The following FGD3 variants were observed in gnomAD, a reference collection of about 807,000 sequenced individuals.
FGD3 encodes FYVE, RhoGEF and PH domain-containing protein 3.
In FGD3, 45 loss-of-function variants were observed where a neutral mutation model predicts 71.8. The observed-to-expected ratio is 0.63, with a 90% confidence interval of 0.49 to 0.80. FGD3 has a LOEUF of 0.80. Among genes scored for constraint, FGD3 ranks in the 30% least tolerant of loss-of-function variants. FGD3 has a pLI of 0.00. For missense variants in FGD3, 844 were observed against 951.5 expected (o/e 0.89, Z 1.49); for synonymous variants, 378 against 392.8 (o/e 0.96, Z 0.44).
intron 1 of FGD3, among the ~76,000 whole-genome samples, chr9:92,973,106 ATTTTTTTTT>A (rs59046376): frequency 3.4e-5 from 3 of 87,124 alleles, no homozygotes; most frequent in Non-Finnish European, 4.1e-5. Flanking sequence ...ATGCCTGGTA[ATTTTTTTTT>A]TTTTTTTTTT....
chr9:92,954,933 G>A (rs369043532), intron 1 of FGD3, among the ~76,000 whole-genome samples: 8 of 152,284 alleles, frequency 5.3e-5, no homozygotes, highest in South Asian at 2.1e-4. Flanking sequence ...TTGGAGCATC[G>A]TTGCCTGCAT....
At position 93,001,149 on chromosome 9, in the gene FGD3, A is replaced by G. The variant is rs191915490; in HGVS notation, c.454-1776A>G. 6.6e-4 allele frequency among the ~76,000 whole-genome samples: 100 copies of G among 151,840 alleles called. 1 individual carries two copies. Among genetic ancestry groups the G allele is most frequent in the African/African-American group, 2.3e-3 (95 of 41,388 alleles). On this transcript the variant is annotated intron_variant, in intron 3 of 17. Transcript: ENST00000375482. ...TGGTTTGTCCTTTTTAATAGTTTCT[A>G]TCTCTTTGTTGATATTCTCACTTTG...
intron 1 of FGD3, among the ~76,000 whole-genome samples, chr9:92,949,079 T>C (rs1286280482): frequency 6.6e-6 from 1 of 152,144 alleles, no homozygotes; most frequent in Non-Finnish European, 1.5e-5. Flanking sequence ...TGCAGGCTTC[T>C]TCAAGCCCAT....
chr9:93,001,142 A>T (rs561633241), intron 3 of FGD3, among the ~76,000 whole-genome samples: 24 of 152,106 alleles, frequency 1.6e-4, no homozygotes, highest in Admixed American at 6.5e-4. Flanking sequence ...CCTTTTTAAT[A>T]GTTTCTATCT....
chr9:92,953,926 A>G (rs1173281566), intron 1 of FGD3, among the ~76,000 whole-genome samples: 1 of 152,238 alleles, frequency 6.6e-6, no homozygotes, highest in African/African-American at 2.4e-5. Context: ...GTAAACAGAC[A>G]TGGAGACAGC....
chr9:93,015,312 T>C (rs4743880), intron 9 of FGD3, among the ~76,000 whole-genome samples: 94,060 of 151,748 alleles, frequency 0.62, 30,291 homozygotes, highest in African/African-American at 0.8. Flanking sequence ...AAAAATTAGC[T>C]GGGCGTGGTA....
chr9:92,956,119 TTTTGTTTG>T (rs369196118), intron 1 of FGD3, among the ~76,000 whole-genome samples: 69 of 152,230 alleles, frequency 4.5e-4, no homozygotes, highest in African/African-American at 1.5e-3. Context: ...GTTCTGGGAG[TTTTGTTTG>T]TTTGTTTGTT....
intron 3 of FGD3, among the ~76,000 whole-genome samples, chr9:92,992,554 G>A (rs768706073): frequency 6.6e-6 from 1 of 152,170 alleles, no homozygotes; most frequent in Admixed American, 6.5e-5. Flanking sequence ...AAGTGTGGCA[G>A]TGAGGGTTGG....
Position 92,976,475 on chromosome 9 carries a change from C to T in FGD3, c.219C>T (p.Asn73=). Residue 73 remains asparagine, a synonymous_variant, in exon 3 of 18, where the codon AAC becomes AAT. Coordinates refer to ENST00000375482, the MANE Select transcript of FGD3 (RefSeq NM_001083536.2). ...TGAGTGGTAGCTTAAAGATCCCCAA[C>T]CGGGACAGCGGGATCGACAGTCCCT... is the stretch of plus-strand genomic sequence containing the variant. ...GELSGSLKIP[N]RDSGIDSPSS... The T allele has an allele frequency of 1.2e-6, 2 of 1,612,118 alleles. No individual in the cohort carries two copies. The highest frequency in any genetic ancestry group is 1.7e-6 in the Non-Finnish European group (2 of 1,179,560).
rs201073654 is a variant in FGD3, at chr9:93,004,054, C to T, written c.597C>T (p.Gly199=). The T allele has an allele frequency of 5.3e-5, 85 of 1,614,084 alleles. No individual in the cohort carries two copies. The African/African-American group carries it at 9.6e-4, about 18-fold the overall frequency. ...DAGIPPEVIM[G]IFSNISSIHR... The stretch of plus-strand genomic sequence containing the variant: ...GGATCCCTCCAGAAGTCATCATGGG[C>T]ATATTCTCTAACATCTCCTCCATCC... Residue 199 remains glycine (G), a synonymous_variant, in exon 5 of 18, where the codon GGC becomes GGT. Coordinates refer to ENST00000375482, the MANE Select transcript of FGD3 (RefSeq NM_001083536.2).
At chr9:93,010,426 C>A (rs760715181) in intron 7 of FGD3, 42 bp downstream of exon 7, 5 of 1,558,874 alleles carry the variant, frequency 3.2e-6, no homozygotes, top group Non-Finnish European at 4.4e-6. Context: ...GCAGGGGCAC[C>A]TGCCAAGAAC....
chr9:92,994,659 A>T (rs1425104954), intron 3 of FGD3, among the ~76,000 whole-genome samples: 2 of 152,200 alleles, frequency 1.3e-5, no homozygotes, highest in Non-Finnish European at 2.9e-5. Flanking sequence ...TATAAGATGT[A>T]AGGAAGGGGT....
chr9:92,953,216 T>G (rs1213215612), intron 1 of FGD3, among the ~76,000 whole-genome samples: 1 of 152,212 alleles, frequency 6.6e-6, no homozygotes, highest in Non-Finnish European at 1.5e-5. Flanking sequence ...TTGATAATTT[T>G]TTCCTACAGG....
intron 13 of FGD3, chr9:93,020,680 C>T (rs1003354936): frequency 4.5e-6 from 2 of 446,928 alleles, no homozygotes; most frequent in African/African-American, 2.0e-5. Flanking sequence ...CAGAATAGGT[C>T]CAGAGAGCCT....
At chr9:93,022,019 T>G (rs73514117) in intron 13 of FGD3, among the ~76,000 whole-genome samples, 2 of 152,090 alleles carry the variant, frequency 1.3e-5, no homozygotes, top group Non-Finnish European at 2.9e-5. Context: ...AAAGGGACCC[T>G]CCTTACTCAC....
intron 1 of FGD3, among the ~76,000 whole-genome samples, chr9:92,959,975 C>CA (rs1440027556): frequency 6.6e-6 from 1 of 151,988 alleles, no homozygotes; most frequent in African/African-American, 2.4e-5. Flanking sequence ...ATAACCTCCA[C>CA]ATCTCCATAT....
At chr9:92,963,731 G>A (rs978299957) in intron 1 of FGD3, among the ~76,000 whole-genome samples, 1 of 152,236 alleles carries the variant, frequency 6.6e-6, no homozygotes, top group Non-Finnish European at 1.5e-5. Flanking sequence ...AAAACAATGA[G>A]GGTGCCCTCC....
chr9:93,006,213 G>A, intron 6 of FGD3, 33 bp downstream of exon 6: 1 of 1,500,840 alleles, frequency 6.7e-7, no homozygotes, highest in Non-Finnish European at 8.9e-7. Context: ...GGACACAGAT[G>A]TTCTCAAGAT....
In FGD3 at chr9:92,976,597, A is replaced by T; in HGVS notation, c.341A>T (p.Asp114Val). 1.2e-6 allele frequency: 2 copies of T among 1,612,814 alleles called. No homozygotes were observed. The highest frequency in any genetic ancestry group is 1.7e-6 in the Non-Finnish European group (2 of 1,179,906). Reference sequence around the variant, plus strand: ...GGGGCGCACGCAGAGATGGCCCTGGACAGCCAGGTCCCGAAGGTCACCCCC... The same window carrying T: ...GGGGCGCACGCAGAGATGGCCCTGGTCAGCCAGGTCCCGAAGGTCACCCCC... ...VLGAHAEMAL[D>V]SQVPKVTPQE... Residue 114 changes from aspartate to valine, a missense_variant, in exon 3 of 18, where the codon GAC becomes GTC. Coordinates refer to ENST00000375482, the MANE Select transcript of FGD3 (RefSeq NM_001083536.2).
Sources: gnomAD v4.1 joint callset for allele counts (sites outside exome capture counted in the v4.1 genomes callset) on GRCh38, gnomAD v4.1.1 for gene constraint, MANE v1.5 for transcripts, NCBI Gene and HGNC (gene_info 2026-07-23, HGNC 2026-07-21) for gene names.